DNAH7: variants seen among roughly 807,000 people sequenced by gnomAD.
DNAH7 encodes the protein dynein axonemal heavy chain 7.
In DNAH7, 397 loss-of-function variants were observed where a neutral mutation model predicts 444.6. That is an observed-to-expected ratio of 0.89 (90% CI 0.82 to 0.97). DNAH7 has a LOEUF of 0.97. Among genes scored for constraint, DNAH7 ranks in the 50% least tolerant of loss-of-function variants. DNAH7 has a pLI of 0.00. For synonymous variants in DNAH7, 1,636 were observed against 1,624.4 expected, an observed-to-expected ratio of 1.01 and a Z score of -0.17; for missense variants, 4,902 against 4,800.8, an observed-to-expected ratio of 1.02 and a Z score of -0.62.
In DNAH7 at chr2:195,950,851, C is replaced by CAAAAAA. The variant is rs67782183; in HGVS notation, c.3078+6404_3078+6409dup. Among the ~76,000 whole-genome samples, 201 of 36,666 alleles carry CAAAAAA rather than the reference C, an allele frequency of 5.5e-3. 10 individuals carry two copies. Among genetic ancestry groups the CAAAAAA allele is most frequent in the East Asian group, 0.018 (13 of 710 alleles). The allele number at this position is 36,666 out of a possible 152,430, so 24.1% of individuals were successfully genotyped here. A position where few individuals can be genotyped will look rare whatever the true frequency, so the allele number is the denominator to read the frequency against. On this transcript the variant is annotated intron_variant, in intron 19 of 64. Transcript: ENST00000312428. Reference sequence around the variant, plus strand: ...TAGGCAACAGAGTGGGACTCTGTCTCAAAAAAAAAAAAAAAAAAAAAAAAA... The same window carrying CAAAAAA: ...TAGGCAACAGAGTGGGACTCTGTCTCAAAAAAAAAAAAAAAAAAAAAAAAAAAAAAA...
chr2:195,804,973 A>G (rs1490991212), intron 54 of DNAH7, among the ~76,000 whole-genome samples: 2 of 152,200 alleles, frequency 1.3e-5, no homozygotes, highest in Non-Finnish European at 2.9e-5. Flanking sequence ...TTAACCTCCA[A>G]TGATTTAAAA....
chr2:195,896,337 T>C (rs1702314808), intron 29 of DNAH7, among the ~76,000 whole-genome samples: 1 of 152,196 alleles, frequency 6.6e-6, no homozygotes, highest in African/African-American at 2.4e-5. Flanking sequence ...TCTTTCATTT[T>C]CTTATGTGTC....
chr2:195,776,645 C>G (rs973622252), intron 59 of DNAH7, among the ~76,000 whole-genome samples: 2 of 151,822 alleles, frequency 1.3e-5, no homozygotes, highest in Non-Finnish European at 2.9e-5. Context: ...CTGATTTACT[C>G]TGATTATTCT....
At chr2:195,950,869 A>AAAAAC (rs1690197294) in intron 19 of DNAH7, among the ~76,000 whole-genome samples, 1 of 142,590 alleles carries the variant, frequency 7.0e-6, no homozygotes, top group Admixed American at 6.9e-5. Flanking sequence ...AAAAAAAAAA[A>AAAAAC]AAAAAAAAAA....
intron 58 of DNAH7, among the ~76,000 whole-genome samples, chr2:195,781,022 C>G (rs1695347619): frequency 6.6e-6 from 1 of 151,708 alleles, no homozygotes; most frequent in Non-Finnish European, 1.5e-5. Context: ...TTTGGTAGAA[C>G]TAGAACTTAA....
chr2:195,947,185 C>T (rs947806813), intron 19 of DNAH7, among the ~76,000 whole-genome samples: 2 of 149,442 alleles, frequency 1.3e-5, no homozygotes, highest in African/African-American at 4.9e-5. Context: ...TTAGTAGAGA[C>T]GGGGTTTCAC....
rs4014237 is a variant in DNAH7 at position 195,852,891 on chromosome 2, T to TACAC, written c.8781+448_8781+451dup. On this transcript the variant is annotated intron_variant, in intron 46 of 64. Coordinates refer to ENST00000312428, the MANE Select transcript of DNAH7 (RefSeq NM_018897.3). The stretch of plus-strand genomic sequence containing the variant: ...GACTGATAGGAAACAGCTGATGAAG[T>TACAC]ACACACACACACACACACACACACA... 4.8e-3 allele frequency among the ~76,000 whole-genome samples: 673 copies of TACAC among 139,020 alleles called. 8 individuals are homozygous for TACAC. Among genetic ancestry groups the TACAC allele is most frequent in the South Asian group, 0.031 (131 of 4,204 alleles). The allele number at this position is 139,020 out of a possible 152,430, so 91.2% of individuals were successfully genotyped here.
At chr2:195,775,696 A>T in intron 60 of DNAH7, 150 bp downstream of exon 60, 2 of 795,810 alleles carry the variant, frequency 2.5e-6, no homozygotes, top group Non-Finnish European at 3.7e-6. Context: ...TCAAATCCTT[A>T]TTTAAGTTAT....
chr2:195,778,570 A>C (rs1695181134), intron 58 of DNAH7, among the ~76,000 whole-genome samples: 1 of 144,418 alleles, frequency 6.9e-6, no homozygotes, highest in Non-Finnish European at 1.5e-5. Flanking sequence ...AGTGAACAAT[A>C]ATTGTGCCAC....
chr2:195,754,286 T>C lies in DNAH7; in HGVS notation c.11764+51A>G, dbSNP rs1335546864. 3.3e-6 allele frequency: 5 copies of C among 1,528,560 alleles called. No homozygotes were observed. The Admixed American group carries it at 7.5e-5, about 23-fold the overall frequency. The allele number at this position is 1,528,560 out of a possible 1,614,324, so 94.7% of individuals were successfully genotyped here. The stretch of plus-strand genomic sequence containing the variant: ...GAGGAAAGTATGCTAGAATGTCATG[T>C]TTTTGTTCAGTGCCCAGATATGAGC... On this transcript the variant is annotated intron_variant, in intron 63 of 64. Transcript: ENST00000312428.
At chr2:196,064,348 T>TAAATAAATAATA (rs377755167) in intron 1 of DNAH7, among the ~76,000 whole-genome samples, 2 of 33,978 alleles carry the variant, frequency 5.9e-5, no homozygotes, top group African/African-American at 1.1e-4. Context: ...AATAAATAAA[T>TAAATAAATAATA]AATAAATAAT....
intron 2 of DNAH7, among the ~76,000 whole-genome samples, chr2:196,054,381 C>A (rs1187399504): frequency 6.6e-6 from 1 of 151,928 alleles, no homozygotes; most frequent in Non-Finnish European, 1.5e-5. Context: ...CAAAAATAAC[C>A]TGGGTATGGT....
chr2:195,938,143 C>T (rs531262105), intron 19 of DNAH7, among the ~76,000 whole-genome samples: 6 of 151,912 alleles, frequency 3.9e-5, no homozygotes, highest in Non-Finnish European at 8.8e-5. Context: ...AGGAAAGATA[C>T]AATTTTTGCT....
chr2:195,774,244 G>A (rs1694966311), intron 60 of DNAH7, among the ~76,000 whole-genome samples: 1 of 152,202 alleles, frequency 6.6e-6, no homozygotes, highest in Admixed American at 6.5e-5. Flanking sequence ...TCAGACTGTT[G>A]TGTATTACAT....
At chr2:195,781,923 G>A (rs1285066116) in intron 58 of DNAH7, among the ~76,000 whole-genome samples, 1 of 148,000 alleles carries the variant, frequency 6.8e-6, no homozygotes, top group African/African-American at 2.5e-5. Context: ...ATGTGAAAAT[G>A]GTTGCCTTGG....
intron 1 of DNAH7, among the ~76,000 whole-genome samples, chr2:196,061,895 T>C (rs2125895859): frequency 6.6e-6 from 1 of 152,330 alleles, no homozygotes; most frequent in Middle Eastern, 3.4e-3. Flanking sequence ...AGTTCCATCG[T>C]ACTTACTTAC....
At chr2:195,849,499 T>C (rs1271831613) in intron 46 of DNAH7, among the ~76,000 whole-genome samples, 1 of 152,220 alleles carries the variant, frequency 6.6e-6, no homozygotes, top group Non-Finnish European at 1.5e-5. Flanking sequence ...TGGTTGTTGA[T>C]ATGAGGAACA....
intron 24 of DNAH7, among the ~76,000 whole-genome samples, chr2:195,921,558 C>T (rs1688025700): frequency 6.6e-6 from 1 of 151,970 alleles, no homozygotes; most frequent in South Asian, 2.1e-4. Context: ...GACACAAAGG[C>T]CTAAGAATGG....
rs1398043510 is a variant in DNAH7 at position 195,775,859 on chromosome 2, A to G, written c.11189T>C (p.Ile3730Thr). ...CAGATCACACACCTGTGTAAGAAGA[A>G]TGTTATCAAATAGCAGCTGAGTTTC... is the stretch of plus-strand genomic sequence containing the variant. ...QSETQLLFDN[I>T]LLTQSRSAGA... The change falls in exon 60 of 65, where the codon ATT becomes ACT. Residue 3730 changes from isoleucine to threonine, a missense_variant. Coordinates refer to ENST00000312428, the MANE Select transcript of DNAH7 (RefSeq NM_018897.3). The G allele has an allele frequency of 6.2e-7, 1 of 1,614,074 alleles. No individual in the cohort carries two copies. Among genetic ancestry groups the G allele is most frequent in the Non-Finnish European group, 8.5e-7 (1 of 1,179,966 alleles).
Sources: gnomAD v4.1 joint callset for allele counts (sites outside exome capture counted in the v4.1 genomes callset) on GRCh38, gnomAD v4.1.1 for gene constraint, MANE v1.5 for transcripts, NCBI Gene and HGNC (gene_info 2026-07-23, HGNC 2026-07-21) for gene names.